CYP51A1: variants seen among roughly 807,000 people sequenced by gnomAD.
The protein encoded by CYP51A1 is cytochrome P450 family 51 subfamily A member 1.
CYP51A1 carries 45 observed loss-of-function variants against 53.5 expected under a neutral mutation model. That is an observed-to-expected ratio of 0.84 (90% CI 0.66 to 1.08). The LOEUF (loss-of-function observed/expected upper bound fraction) is 1.08, where lower values mean the gene tolerates loss of function less well. Ranked by LOEUF, CYP51A1 falls within the 50% of genes least tolerant of loss-of-function variation. The pLI is 0.00. For synonymous variants in CYP51A1, 181 were observed against 217.7 expected, an observed-to-expected ratio of 0.83 and a Z score of 1.48; for missense variants, 462 against 621.7, an observed-to-expected ratio of 0.74 and a Z score of 2.73.
Position 92,123,247 on chromosome 7 carries a change from T to C in CYP51A1, c.959A>G (p.His320Arg), listed in dbSNP as rs745413412. Residue 320 changes from histidine (H) to arginine (R), a missense_variant, in exon 7 of 10, where the codon CAT becomes CGT. Transcript: ENST00000003100. Reference protein sequence around the residue: ...MLIGLLLAGQHTSSTTSAWMG... With the variant: ...MLIGLLLAGQRTSSTTSAWMG... ...CCAAGCACTAGTAGTTGAGGATGTA[T>C]GCTGCCCTGCCAAGAGTAATCCAAT... is the stretch of plus-strand genomic sequence containing the variant. 6 of 1,614,120 alleles carry C rather than the reference T, an allele frequency of 3.7e-6. No homozygotes were observed. The highest frequency in any genetic ancestry group is 3.3e-4 in the Middle Eastern group (2 of 6,062).
At chr7:92,123,674 A>C (rs1819736633) in intron 6 of CYP51A1, 60 bp downstream of exon 6, 2 of 1,474,972 alleles carry the variant, frequency 1.4e-6, no homozygotes, top group African/African-American at 2.9e-5. Flanking sequence ...ATACTATTTA[A>C]CTGTGTTTTA....
intron 7 of CYP51A1, among the ~76,000 whole-genome samples, chr7:92,122,736 TAG>T (rs1003359284): frequency 2.0e-5 from 3 of 152,220 alleles, no homozygotes; most frequent in Admixed American, 1.3e-4. Context: ...CTACTACTTT[TAG>T]AAGTCTCTGC....
intron 8 of CYP51A1, among the ~76,000 whole-genome samples, chr7:92,118,013 C>G (rs570589787): frequency 6.6e-6 from 1 of 150,798 alleles, no homozygotes; most frequent in Non-Finnish European, 1.5e-5. Flanking sequence ...CAGATTAGCA[C>G]GTATACTATC....
At chr7:92,131,433 C>T (rs1343211678) in intron 2 of CYP51A1, among the ~76,000 whole-genome samples, 6 of 152,096 alleles carry the variant, frequency 3.9e-5, no homozygotes, top group Non-Finnish European at 8.8e-5. Context: ...GAAAACCCCA[C>T]AGATGCATGG....
chr7:92,117,766 T>C (rs1819606919), intron 8 of CYP51A1, among the ~76,000 whole-genome samples: 1 of 152,162 alleles, frequency 6.6e-6, no homozygotes, highest in African/African-American at 2.4e-5. Context: ...GGCGGGTGGA[T>C]CACCTGAGGT....
intron 9 of CYP51A1, among the ~76,000 whole-genome samples, chr7:92,114,322 T>C (rs1794435719): frequency 6.6e-6 from 1 of 152,142 alleles, no homozygotes; most frequent in Non-Finnish European, 1.5e-5. Flanking sequence ...GATTCTAAAA[T>C]GCATATAAAA....
In CYP51A1 at chr7:92,112,844, AAAAG is replaced by A. The variant is rs1285703179; in HGVS notation, c.*817_*820del. 4 of 152,236 alleles carry A rather than the reference AAAAG, an allele frequency of 2.6e-5. No individual in the cohort carries two copies. The East Asian group carries it at 7.7e-4, about 29-fold the overall frequency. The allele number at this position is 152,236 out of a possible 1,614,324, so 9.4% of individuals were successfully genotyped here. On this transcript the variant is annotated 3_prime_UTR_variant, in exon 10 of 10. Coordinates refer to ENST00000003100, the MANE Select transcript of CYP51A1 (RefSeq NM_000786.4). Reference sequence around the variant, plus strand: ...ACTCCATCTCAAAAAAAAAAAAAAAAAAAGGAAGCAGGGAACAACTGAGCCAAAA... The same window carrying A: ...ACTCCATCTCAAAAAAAAAAAAAAAAGAAGCAGGGAACAACTGAGCCAAAA...
At chr7:92,126,174 T>C in intron 5 of CYP51A1, 79 bp downstream of exon 5, 1 of 998,710 alleles carries the variant, frequency 1.0e-6, no homozygotes, top group Non-Finnish European at 1.4e-6. Context: ...ATTTTTATCT[T>C]TGTTAAGGCA....
Position 92,126,335 on chromosome 7 carries a change from C to T in CYP51A1, c.688G>A (p.Ala230Thr). Residue 230 changes from alanine (A) to threonine (T), a missense_variant, in exon 5 of 10, where the codon GCA becomes ACA. Physicochemically the swap from Ala to Thr is moderately conservative, Grantham distance 58. Coordinates refer to ENST00000003100, the MANE Select transcript of CYP51A1 (RefSeq NM_000786.4). Reference protein sequence around the residue: ...EIRSQLNEKVAQLYADLDGGF... With the variant: ...EIRSQLNEKVTQLYADLDGGF... Reference sequence around the variant, plus strand: ...CCATCCAAATCTGCATACAGCTGTGCTACCTTTTCATTGAGTTGACTTCTG... The same window carrying T: ...CCATCCAAATCTGCATACAGCTGTGTTACCTTTTCATTGAGTTGACTTCTG... 1 of 1,612,886 alleles carries T rather than the reference C, an allele frequency of 6.2e-7. No individual in the cohort carries two copies. The highest frequency in any genetic ancestry group is 8.5e-7 in the Non-Finnish European group (1 of 1,179,572).
rs1819509999 is a variant in CYP51A1 at position 92,113,471 on chromosome 7, T to G, written c.*194A>C. 1 of 541,672 alleles carries G rather than the reference T, an allele frequency of 1.8e-6. No homozygotes were observed. The highest frequency in any genetic ancestry group is 3.2e-6 in the Non-Finnish European group (1 of 314,370). The allele number at this position is 541,672 out of a possible 1,614,324, so 33.6% of individuals were successfully genotyped here. ...GCACATGTATAAGTATCATAACTATTAGAAAATGTTTCAAATGCTATTATA... is the reference window on the plus strand; with the variant it reads ...GCACATGTATAAGTATCATAACTATGAGAAAATGTTTCAAATGCTATTATA... On this transcript the variant is annotated 3_prime_UTR_variant, in exon 10 of 10. Transcript: ENST00000003100.
At chr7:92,125,432 A>C (rs1819779520) in intron 5 of CYP51A1, among the ~76,000 whole-genome samples, 1 of 152,208 alleles carries the variant, frequency 6.6e-6, no homozygotes, top group African/African-American at 2.4e-5. Context: ...CCAATAAATC[A>C]ACAAAAGTAC....
At chr7:92,113,873 G>A (rs1472441467) in intron 9 of CYP51A1, 30 bp from the exon 10 acceptor site, 2 of 1,497,404 alleles carry the variant, frequency 1.3e-6, no homozygotes, top group Non-Finnish European at 1.8e-6. Context: ...ATAAGAATCA[G>A]TTTAAATTCT....
intron 2 of CYP51A1, among the ~76,000 whole-genome samples, chr7:92,130,795 G>C (rs1215200574): frequency 2.0e-5 from 3 of 152,212 alleles, no homozygotes; most frequent in Non-Finnish European, 4.4e-5. Flanking sequence ...CTTTGATGGA[G>C]AGGTAGAAAG....
Position 92,123,041 on chromosome 7 carries a change from C to G in CYP51A1, c.1086+79G>C. On this transcript the variant is annotated intron_variant, in intron 7 of 9. Coordinates refer to ENST00000003100, the MANE Select transcript of CYP51A1 (RefSeq NM_000786.4). The stretch of plus-strand genomic sequence containing the variant: ...ATTTAAGCTATAGTATATAGAAAAT[C>G]TCAAATTGTCCCTTTTAAAAATTAG... 4 of 1,122,844 alleles carry G rather than the reference C, an allele frequency of 3.6e-6. No individual in the cohort carries two copies. The South Asian group carries it at 6.1e-5, about 17-fold the overall frequency. The allele number at this position is 1,122,844 out of a possible 1,614,324, so 69.6% of individuals were successfully genotyped here. A position where few individuals can be genotyped will look rare whatever the true frequency, so the allele number is the denominator to read the frequency against.
chr7:92,129,936 G>C (rs944183287), intron 2 of CYP51A1, among the ~76,000 whole-genome samples: 3 of 150,642 alleles, frequency 2.0e-5, no homozygotes, highest in Non-Finnish European at 3.0e-5. Context: ...GGAGATGAGA[G>C]TTGAGCATTA....
At chr7:92,123,448 A>G in intron 6 of CYP51A1, 133 bp from the exon 7 acceptor site, 2 of 864,712 alleles carry the variant, frequency 2.3e-6, no homozygotes, top group Middle Eastern at 2.3e-4. Context: ...TCACAAGTCA[A>G]GAGTTTTTTT....
At chr7:92,127,736 G>A (rs773984544) in intron 3 of CYP51A1, 105 bp from the exon 4 acceptor site, 105 of 1,146,902 alleles carry the variant, frequency 9.2e-5, no homozygotes, top group Non-Finnish European at 1.2e-4. Flanking sequence ...ACAAGTAATG[G>A]TTTTAACCCT....
chr7:92,115,529 G>A (rs1285897968), intron 9 of CYP51A1, among the ~76,000 whole-genome samples: 3 of 152,158 alleles, frequency 2.0e-5, no homozygotes, highest in Non-Finnish European at 4.4e-5. Flanking sequence ...TTCTCCTGTA[G>A]AACCTTAAGG....
intron 7 of CYP51A1, among the ~76,000 whole-genome samples, chr7:92,120,702 T>C (rs6956431): frequency 0.41 from 62,758 of 151,992 alleles, 13,442 homozygotes; most frequent in African/African-American, 0.51. Context: ...ATCATATACA[T>C]AAATTAATTC....
Sources: allele counts gnomAD v4.1 joint callset (sites outside exome capture counted in the v4.1 genomes callset), GRCh38; gene constraint gnomAD v4.1.1; transcripts MANE v1.5; gene names NCBI Gene and HGNC (gene_info 2026-07-23, HGNC 2026-07-21).